The following SUGT1 variants were observed in gnomAD, a reference collection of about 807,000 sequenced individuals.
The protein encoded by SUGT1 is protein SGT1 homolog.
A neutral mutation model predicts 56.1 loss-of-function variants in SUGT1; 15 were observed. The ratio of observed to expected loss-of-function variants is 0.27; its 90% confidence interval spans 0.18 to 0.41. The LOEUF (loss-of-function observed/expected upper bound fraction) is 0.41, where lower values mean the gene tolerates loss of function less well. Among genes scored for constraint, SUGT1 ranks in the 10% least tolerant of loss-of-function variants. The pLI, the probability that SUGT1 is intolerant of heterozygous loss-of-function variation, is 1.00. For missense variants in SUGT1, 347 were observed against 382.2 expected (o/e 0.91, Z 0.77); for synonymous variants, 123 against 128.6 (o/e 0.96, Z 0.30).
At chr13:52,678,162 C>G (rs561290259) in intron 11 of SUGT1, among the ~76,000 whole-genome samples, 1 of 152,208 alleles carries the variant, frequency 6.6e-6, no homozygotes, top group South Asian at 2.1e-4. Context: ...TTCCCAGGCT[C>G]TTAACTTACC....
chr13:52,653,958 G>T (rs957573425), intron 2 of SUGT1, among the ~76,000 whole-genome samples: 2 of 152,232 alleles, frequency 1.3e-5, no homozygotes, highest in Admixed American at 6.5e-5. Flanking sequence ...CCGTTGAGGA[G>T]ATCTTTGAGT....
chr13:52,658,869 A>G (rs1377781423), intron 4 of SUGT1, among the ~76,000 whole-genome samples: 2 of 151,626 alleles, frequency 1.3e-5, no homozygotes, highest in Non-Finnish European at 2.9e-5. Flanking sequence ...TTTATATCCC[A>G]TCTTGTTTCT....
In SUGT1 at chr13:52,695,029, A is replaced by G. The variant is rs1046516941; in HGVS notation, c.*7194A>G. On this transcript the variant is annotated 3_prime_UTR_variant, in exon 13 of 13. Transcript: ENST00000310528. ...TATGAGTTAATTCATCAATCTTATT[A>G]TTCTTGCCCCAAATGAATCAGTGTG... 1 of 152,186 alleles carries G rather than the reference A, an allele frequency of 6.6e-6. No individual in the cohort carries two copies. Among genetic ancestry groups the G allele is most frequent in the Non-Finnish European group, 1.5e-5 (1 of 68,032 alleles). 9.4% of individuals were successfully genotyped at this position (152,186 alleles called of 1,614,324 possible).
chr13:52,653,609 A>T (rs1962023326), intron 2 of SUGT1, among the ~76,000 whole-genome samples: 1 of 151,900 alleles, frequency 6.6e-6, no homozygotes, highest in Non-Finnish European at 1.5e-5. Context: ...TTTTTTTTGG[A>T]GTGGCTGTGT....
intron 2 of SUGT1, among the ~76,000 whole-genome samples, 174 bp downstream of exon 2, chr13:52,653,277 C>T (rs1432637663): frequency 1.3e-5 from 2 of 152,144 alleles, no homozygotes; most frequent in Non-Finnish European, 2.9e-5. Flanking sequence ...TACACGGTAG[C>T]CGCGTTACCC....
intron 3 of SUGT1, chr13:52,658,198 A>G (rs1962254319): frequency 6.7e-7 from 1 of 1,500,676 alleles, no homozygotes; most frequent in Non-Finnish European, 8.9e-7. Flanking sequence ...AGCTTTAAGA[A>G]GGAAGCTAAA....
At chr13:52,674,140 C>T (rs1594246242) in intron 10 of SUGT1, among the ~76,000 whole-genome samples, 2 of 149,870 alleles carry the variant, frequency 1.3e-5, no homozygotes, top group African/African-American at 2.5e-5. Flanking sequence ...CTGCAGCCTC[C>T]GCCTCCCAGA....
At chr13:52,680,331 T>TA (rs1336172944) in intron 12 of SUGT1, among the ~76,000 whole-genome samples, 176 bp downstream of exon 12, 2 of 152,194 alleles carry the variant, frequency 1.3e-5, no homozygotes, top group African/African-American at 4.8e-5. Context: ...GTTGAAAACT[T>TA]ATGGAAGAGA....
rs976472239 is a variant in SUGT1 at position 52,696,711 on chromosome 13, T to C, written c.*8876T>C. 5 of 152,118 alleles carry C rather than the reference T, an allele frequency of 3.3e-5. No homozygotes were observed. The highest frequency in any genetic ancestry group is 1.2e-4 in the African/African-American group (5 of 41,404). The allele number at this position is 152,118 out of a possible 1,614,324, so 9.4% of individuals were successfully genotyped here. On this transcript the variant is annotated 3_prime_UTR_variant, in exon 13 of 13. Transcript: ENST00000310528. ...TGTTCACAGGCGTGATAATTGTGTG[T>C]TACAGCCTCAAAGTCCAGGGCTCGA...
At position 52,657,680 on chromosome 13, in the gene SUGT1, C is replaced by G. The variant is rs942434572; in HGVS notation, c.187+58C>G. ...TTAATAAGTTACTTATACATTTTAC[C>G]CATGACAAATTAAAAGTTGTCTTTG... On this transcript the variant is annotated intron_variant, in intron 3 of 12. Coordinates refer to ENST00000310528, the MANE Select transcript of SUGT1 (RefSeq NM_006704.5). 7.5e-6 allele frequency: 11 copies of G among 1,471,694 alleles called. No homozygotes were observed. The African/African-American group carries it at 1.4e-4, about 19-fold the overall frequency. The allele number at this position is 1,471,694 out of a possible 1,614,324, so 91.2% of individuals were successfully genotyped here.
chr13:52,666,880 A>G lies in SUGT1; in HGVS notation c.588A>G (p.Ile196Met). ...YNLKLELLHPIIPEQSTFKVL... is the reference protein window; with the variant it reads ...YNLKLELLHPMIPEQSTFKVL... ...TGAAACTGGAACTTCTTCATCCTAT[A>G]ATACCAGAACAGAGCACGTTTAAAG... Residue 196 changes from isoleucine to methionine, a missense_variant, in exon 10 of 13, where the codon ATA becomes ATG. Transcript: ENST00000310528. 1.9e-6 allele frequency: 3 copies of G among 1,613,386 alleles called. No homozygotes were observed. Among genetic ancestry groups the G allele is most frequent in the African/African-American group, 2.7e-5 (2 of 75,024 alleles).
chr13:52,693,023 C>T lies in SUGT1; in HGVS notation c.*5188C>T, dbSNP rs1473382937. ...CTGAGATTGTTTCAAGGTTTTATTC[C>T]TACAGACATGTTAGGATTTGTGTAT... On this transcript the variant is annotated 3_prime_UTR_variant, in exon 13 of 13. Transcript: ENST00000310528. 5 of 152,042 alleles carry T rather than the reference C, an allele frequency of 3.3e-5. No individual in the cohort carries two copies. Among genetic ancestry groups the T allele is most frequent in the African/African-American group, 9.7e-5 (4 of 41,390 alleles). 9.4% of individuals were successfully genotyped at this position (152,042 alleles called of 1,614,324 possible).
intron 10 of SUGT1, among the ~76,000 whole-genome samples, chr13:52,675,406 T>C (rs891287126): frequency 2.0e-5 from 3 of 152,172 alleles, no homozygotes; most frequent in Non-Finnish European, 1.5e-5. Flanking sequence ...AGACTCTGTC[T>C]CTACGAAAAA....
At chr13:52,659,982 C>G (rs1256206931) in intron 5 of SUGT1, among the ~76,000 whole-genome samples, 2 of 150,902 alleles carry the variant, frequency 1.3e-5, no homozygotes, top group East Asian at 3.9e-4. Flanking sequence ...GCGACCACCA[C>G]CACGCCCGGC....
At position 52,698,527 on chromosome 13, in the gene SUGT1, T is replaced by TC. The variant is rs1963999522; in HGVS notation, c.*10694dup. Reference sequence around the variant, plus strand: ...ACAATAGCTCACTGTAACCTCCAACTCCTGGAGTCAAGTGATCCTCCTGCC... The same window carrying TC: ...ACAATAGCTCACTGTAACCTCCAACTCCCTGGAGTCAAGTGATCCTCCTGCC... On this transcript the variant is annotated 3_prime_UTR_variant, in exon 13 of 13. Coordinates refer to ENST00000310528, the MANE Select transcript of SUGT1 (RefSeq NM_006704.5). 7.4e-6 allele frequency: 1 copy of TC among 135,808 alleles called. No individual in the cohort carries two copies. The highest frequency in any genetic ancestry group is 2.5e-4 in the South Asian group (1 of 4,006). 8.4% of individuals were successfully genotyped at this position (135,808 alleles called of 1,614,324 possible).
At chr13:52,661,116 G>T (rs1234015714) in intron 5 of SUGT1, among the ~76,000 whole-genome samples, 1 of 152,060 alleles carries the variant, frequency 6.6e-6, no homozygotes, top group East Asian at 1.9e-4. Flanking sequence ...CTGGCCCCTA[G>T]ATTATTTTCT....
rs1964007651 is a variant in SUGT1, at chr13:52,698,840, TG to T, written c.*11007del. The T allele has an allele frequency of 6.6e-6, 1 of 152,214 alleles. No homozygotes were observed. 9.4% of individuals were successfully genotyped at this position (152,214 alleles called of 1,614,324 possible). ...ATAGGGTAGTGGTTCTTAAGCTTATTGGTGAGTAACCTTCACTTGGGAAGCT... is the reference window on the plus strand; with the variant it reads ...ATAGGGTAGTGGTTCTTAAGCTTATTGTGAGTAACCTTCACTTGGGAAGCT... On this transcript the variant is annotated 3_prime_UTR_variant, in exon 13 of 13. Coordinates refer to ENST00000310528, the MANE Select transcript of SUGT1 (RefSeq NM_006704.5).
At chr13:52,671,698 C>T (rs1479647676) in intron 10 of SUGT1, among the ~76,000 whole-genome samples, 1 of 152,118 alleles carries the variant, frequency 6.6e-6, no homozygotes, top group African/African-American at 2.4e-5. Context: ...TACATAGTGT[C>T]ATTTAATCTT....
intron 12 of SUGT1, among the ~76,000 whole-genome samples, chr13:52,680,816 G>C (rs1334435917): frequency 3.9e-5 from 6 of 152,166 alleles, no homozygotes; most frequent in Admixed American, 2.6e-4. Context: ...TAAGAAATCT[G>C]TGGTAATTGG....
Sources: allele counts gnomAD v4.1 joint callset (sites outside exome capture counted in the v4.1 genomes callset), GRCh38; gene constraint gnomAD v4.1.1; transcripts MANE v1.5; gene names NCBI Gene and HGNC (gene_info 2026-07-23, HGNC 2026-07-21).